The following UGT1A5 variants were observed in gnomAD, a reference collection of about 807,000 sequenced individuals.
UGT1A5 encodes the protein UDP glucuronosyltransferase family 1 member A5.
UGT1A5 carries 29 observed loss-of-function variants against 40.3 expected under a neutral mutation model. The observed-to-expected ratio is 0.72, with a 90% confidence interval of 0.54 to 0.98. The LOEUF is 0.98. Ranked by LOEUF, UGT1A5 falls within the 50% of genes least tolerant of loss-of-function variation. The probability of loss-of-function intolerance (pLI) is 0.00; values close to 1 mark genes in which losing one functional copy is unlikely to be tolerated. For missense variants in UGT1A5, 678 were observed against 677.9 expected, an observed-to-expected ratio of 1.00 and a Z score of 0.00; for synonymous variants, 257 against 262.5, an observed-to-expected ratio of 0.98 and a Z score of 0.20.
chr2:233,771,755 C>T (rs1253888254), intron 4 of UGT1A5: 1 of 153,306 alleles, frequency 6.5e-6, no homozygotes, highest in South Asian at 2.1e-4. Flanking sequence ...TTTCTCCCTT[C>T]CTTCCTCCGT....
At chr2:233,720,869 C>A (rs944438074) in intron 1 of UGT1A5, among the ~76,000 whole-genome samples, 12 of 119,508 alleles carry the variant, frequency 1.0e-4, no homozygotes, top group African/African-American at 3.8e-4. Flanking sequence ...CTGCTCCTGG[C>A]AATTTTTTTT....
Position 233,768,249 on chromosome 2 carries a change from C to G in UGT1A5, c.1117C>G (p.His373Asp). 6.2e-7 allele frequency: 1 copy of G among 1,614,198 alleles called. No homozygotes were observed. Among genetic ancestry groups the G allele is most frequent in the East Asian group, 2.2e-5 (1 of 44,878 alleles). The change falls in exon 4 of 5, where the codon CAT becomes GAT. Residue 373 changes from histidine to aspartate, a missense_variant. Transcript: ENST00000373414. ...CCCGATGACCCGTGCCTTTATCACCCATGCTGGTTCCCATGGTGTTTATGA... is the reference window on the plus strand; with the variant it reads ...CCCGATGACCCGTGCCTTTATCACCGATGCTGGTTCCCATGGTGTTTATGA... ...GHPMTRAFITHAGSHGVYESI... is the reference protein window; with the variant it reads ...GHPMTRAFITDAGSHGVYESI...
chr2:233,723,201 A>T (rs11677089), intron 1 of UGT1A5, among the ~76,000 whole-genome samples: 2,577 of 129,328 alleles, frequency 0.02, 30 homozygotes, highest in Non-Finnish European at 0.026. Context: ...TGGTAAAAAA[A>T]GTCAAAACTG....
In UGT1A5 at chr2:233,713,194, A is replaced by G. The variant is rs1296719846; in HGVS notation, c.203A>G (p.Tyr68Cys). 3 of 1,614,210 alleles carry G rather than the reference A, an allele frequency of 1.9e-6. No homozygotes were observed. The highest frequency in any genetic ancestry group is 1.1e-5 in the South Asian group (1 of 91,078). Reference protein sequence around the residue: ...VVVLTLEVNMYIKEENFFTLT... With the variant: ...VVVLTLEVNMCIKEENFFTLT... ...GTCCTCACCCTGGAGGTGAATATGT[A>G]CATCAAAGAAGAGAACTTTTTCACC... The change falls in exon 1 of 5, where the codon TAC becomes TGC. Residue 68 changes from tyrosine to cysteine, a missense_variant. Transcript: ENST00000373414.
intron 1 of UGT1A5, among the ~76,000 whole-genome samples, chr2:233,749,245 A>G (rs1371671760): frequency 6.6e-6 from 1 of 151,908 alleles, no homozygotes; most frequent in Admixed American, 6.5e-5. Context: ...ATCAAACCAC[A>G]TGATTTTTTT....
Position 233,769,406 on chromosome 2 carries a change from T to C in UGT1A5, c.1307+967T>C. Reference sequence around the variant, plus strand: ...AATAGATACTGTGTGCATATGTGCGTGTGCGTTTGTGCATGTGGCTGTGCT... The same window carrying C: ...AATAGATACTGTGTGCATATGTGCGCGTGCGTTTGTGCATGTGGCTGTGCT... On this transcript the variant is annotated intron_variant, in intron 4 of 4. Transcript: ENST00000373414. This position sits in a 1 kb window ranked among gnomAD's most constrained non-coding sequence, Gnocchi z 4.4. 1 of 1,252,262 alleles carries C rather than the reference T, an allele frequency of 8.0e-7. No individual in the cohort carries two copies. Among genetic ancestry groups the C allele is most frequent in the Non-Finnish European group, 1.1e-6 (1 of 876,920 alleles). The allele number at this position is 1,252,262 out of a possible 1,614,324, so 77.6% of individuals were successfully genotyped here.
rs919221213 is a variant in UGT1A5 at position 233,772,323 on chromosome 2, G to T, written c.1369G>T (p.Asp457Tyr). 1.9e-6 allele frequency: 3 copies of T among 1,614,164 alleles called. No individual in the cohort carries two copies. Among genetic ancestry groups the T allele is most frequent in the Non-Finnish European group, 2.5e-6 (3 of 1,180,042 alleles). Residue 457 changes from aspartate to tyrosine, a missense_variant, in exon 5 of 5, where the codon GAC (aspartate) becomes TAC (tyrosine). Asp to Tyr is a radical substitution (Grantham distance 160). Coordinates refer to ENST00000373414, the MANE Select transcript of UGT1A5 (RefSeq NM_019078.2). Reference protein sequence around the residue: ...LHKDRPVEPLDLAVFWVEFVM... With the variant: ...LHKDRPVEPLYLAVFWVEFVM... ...CAAGGACCGCCCGGTGGAGCCGCTG[G>T]ACCTGGCCGTGTTCTGGGTGGAGTT...
intron 1 of UGT1A5, chr2:233,747,716 T>C: frequency 6.2e-7 from 1 of 1,613,280 alleles, no homozygotes; most frequent in Non-Finnish European, 8.5e-7. Context: ...TATCAATTCC[T>C]GCTGTGTTTT....
intron 1 of UGT1A5, among the ~76,000 whole-genome samples, chr2:233,766,688 C>T (rs1199007770): frequency 2.6e-5 from 4 of 152,166 alleles, no homozygotes; most frequent in Admixed American, 6.5e-5. Context: ...TTCTGTATCA[C>T]TGATGCCTTG....
chr2:233,755,110 C>T, intron 1 of UGT1A5: 1 of 1,333,642 alleles, frequency 7.5e-7, no homozygotes, highest in Non-Finnish European at 1.0e-6. Flanking sequence ...GACAACACCT[C>T]GTAGGCCTCA....
chr2:233,741,547 T>G (rs4663963), intron 1 of UGT1A5: 82,548 of 151,614 alleles, frequency 0.54, 24,567 homozygotes, highest in African/African-American at 0.79. Flanking sequence ...GATACTTCTT[T>G]TATGGTTATT....
At chr2:233,728,554 T>C (rs2077726263) in intron 1 of UGT1A5, among the ~76,000 whole-genome samples, 1 of 152,200 alleles carries the variant, frequency 6.6e-6, no homozygotes, top group Non-Finnish European at 1.5e-5. Flanking sequence ...CTCTGATCCT[T>C]ACAAGAAATA....
intron 1 of UGT1A5, chr2:233,719,318 G>C (rs368511777): frequency 5.0e-6 from 8 of 1,613,836 alleles, no homozygotes; most frequent in African/African-American, 1.3e-5. Flanking sequence ...AGTACCTGTC[G>C]ATTCCTGCTG....
rs1390329998 is a variant in UGT1A5 at position 233,760,823 on chromosome 2, T to A, written c.868-6211T>A. 6.2e-7 allele frequency: 1 copy of A among 1,613,528 alleles called. No homozygotes were observed. Among genetic ancestry groups the A allele is most frequent in the East Asian group, 2.2e-5 (1 of 44,862 alleles). On this transcript the variant is annotated intron_variant, in intron 1 of 4. Coordinates refer to ENST00000373414, the MANE Select transcript of UGT1A5 (RefSeq NM_019078.2). ...TTCTTGCATGCACTGCCATGCAGCC[T>A]GGAATTTGAGGCTACCCAGTGCCCC...
In UGT1A5 at chr2:233,769,925, T is replaced by TG. The variant is rs2126049712; in HGVS notation, c.1307+1488dup. ...CATGTGCCCAGAGCGTTGGGTGGTG[T>TG]GGTCCCATTCCTTCCTTCCAGCGGC... On this transcript the variant is annotated intron_variant, in intron 4 of 4. Transcript: ENST00000373414. This position sits in a 1 kb window ranked among gnomAD's most constrained non-coding sequence, Gnocchi z 4.4. The TG allele has an allele frequency of 3.8e-6, 1 of 266,564 alleles. No individual in the cohort carries two copies. Among genetic ancestry groups the TG allele is most frequent in the Admixed American group, 5.1e-5 (1 of 19,790 alleles). 16.5% of individuals were successfully genotyped at this position (266,564 alleles called of 1,614,324 possible). A position where few individuals can be genotyped will look rare whatever the true frequency, so the allele number is the denominator to read the frequency against.
At chr2:233,766,081 A>G (rs913982065) in intron 1 of UGT1A5, among the ~76,000 whole-genome samples, 2 of 152,278 alleles carry the variant, frequency 1.3e-5, no homozygotes, top group Admixed American at 6.5e-5. Context: ...ACCTTGTCGC[A>G]AGGACAGAGG....
Position 233,747,651 on chromosome 2 carries a change from G to A in UGT1A5, c.868-19383G>A, listed in dbSNP as rs566750548. ...CAGGCACCTGAATGCTACTTCCTTC[G>A]ATGTGGTTTTAATAGACCCAATTTA... On this transcript the variant is annotated intron_variant, in intron 1 of 4. Coordinates refer to ENST00000373414, the MANE Select transcript of UGT1A5 (RefSeq NM_019078.2). The A allele has an allele frequency of 2.5e-5, 39 of 1,588,728 alleles. No individual in the cohort carries two copies. The African/African-American group carries it at 3.1e-4, about 13-fold the overall frequency.
intron 1 of UGT1A5, among the ~76,000 whole-genome samples, chr2:233,733,960 G>T (rs2078458395): frequency 6.6e-6 from 1 of 151,916 alleles, no homozygotes; most frequent in African/African-American, 2.4e-5. Flanking sequence ...CTGTTGTGGG[G>T]TAGGGGGAGC....
chr2:233,763,406 T>A (rs1698303480), intron 1 of UGT1A5, among the ~76,000 whole-genome samples: 1 of 152,236 alleles, frequency 6.6e-6, no homozygotes, highest in African/African-American at 2.4e-5. Context: ...GGCACTGGTA[T>A]TTTTAATCCA....
Sources: gnomAD v4.1 joint callset for allele counts (sites outside exome capture counted in the v4.1 genomes callset) on GRCh38, gnomAD v4.1.1 for gene constraint, Gnocchi (gnomAD v3.1) non-coding constraint, MANE v1.5 for transcripts, NCBI Gene and HGNC (gene_info 2026-07-23, HGNC 2026-07-21) for gene names.